The following SLC4A4 variants were observed in gnomAD, a reference collection of about 807,000 sequenced individuals.
SLC4A4 encodes the protein solute carrier family 4 member 4.
Under a neutral mutation model 111.5 loss-of-function variants are expected in SLC4A4, and 27 were observed. The ratio of observed to expected loss-of-function variants is 0.24; its 90% confidence interval spans 0.18 to 0.33. SLC4A4 has a LOEUF of 0.33. Ranked by LOEUF, SLC4A4 falls within the 10% of genes least tolerant of loss-of-function variation. The pLI is 1.00. For synonymous variants in SLC4A4, 443 were observed against 463.4 expected (o/e 0.96, Z 0.57); for missense variants, 909 against 1,315.5 (o/e 0.69, Z 4.78).
intron 7 of SLC4A4, among the ~76,000 whole-genome samples, chr4:71,435,547 A>C (rs1421054401): frequency 6.6e-6 from 1 of 152,260 alleles, no homozygotes; most frequent in Non-Finnish European, 1.5e-5. Context: ...ACAAAAGCCA[A>C]AATTGACAAA....
intron 2 of SLC4A4, among the ~76,000 whole-genome samples, chr4:71,133,051 A>ATT (rs940720348): frequency 6.7e-6 from 1 of 149,978 alleles, no homozygotes. Context: ...ATGAATTACC[A>ATT]TTTTTTTTTT....
intron 2 of SLC4A4, among the ~76,000 whole-genome samples, chr4:71,145,841 CTTCT>C (rs1455220930): frequency 6.6e-6 from 1 of 152,018 alleles, no homozygotes; most frequent in Non-Finnish European, 1.5e-5. Context: ...TCTCTCTTTT[CTTCT>C]TTATTAGCCT....
chr4:71,403,404 T>G (rs966851294), intron 7 of SLC4A4, among the ~76,000 whole-genome samples: 1 of 152,224 alleles, frequency 6.6e-6, no homozygotes, highest in Non-Finnish European at 1.5e-5. Context: ...ACTTCCATAC[T>G]TTTGGGAAGA....
intron 3 of SLC4A4, among the ~76,000 whole-genome samples, chr4:71,322,429 G>A (rs931704869): frequency 6.6e-6 from 1 of 151,936 alleles, no homozygotes; most frequent in African/African-American, 2.4e-5. Flanking sequence ...TTAGTGTGGC[G>A]CTTGTGACAG....
intron 7 of SLC4A4, among the ~76,000 whole-genome samples, chr4:71,409,069 T>C (rs1721126326): frequency 6.6e-6 from 1 of 152,250 alleles, no homozygotes; most frequent in African/African-American, 2.4e-5. Context: ...TCCATGATTC[T>C]GGGCCTCCCA....
At chr4:71,212,356 G>C (rs1035319365) in intron 1 of SLC4A4, among the ~76,000 whole-genome samples, 7 of 152,218 alleles carry the variant, frequency 4.6e-5, no homozygotes, top group Non-Finnish European at 1.0e-4. Flanking sequence ...CTCAGGATCA[G>C]GAATGGATCT....
At chr4:71,480,345 A>G (rs148741981) in intron 14 of SLC4A4, among the ~76,000 whole-genome samples, 249 of 151,590 alleles carry the variant, frequency 1.6e-3, no homozygotes, top group African/African-American at 5.8e-3. Flanking sequence ...CTTGCTGAAA[A>G]TACTTGGGAA....
intron 1 of SLC4A4, among the ~76,000 whole-genome samples, chr4:71,081,911 A>G (rs1253411801): frequency 6.6e-6 from 1 of 152,068 alleles, no homozygotes; most frequent in Non-Finnish European, 1.5e-5. Flanking sequence ...ATTCATACAC[A>G]CAGGGCTCAA....
At chr4:71,433,243 A>G (rs982664438) in intron 7 of SLC4A4, among the ~76,000 whole-genome samples, 33 of 151,102 alleles carry the variant, frequency 2.2e-4, no homozygotes, top group Admixed American at 8.6e-4. Flanking sequence ...TAATCCCGCC[A>G]AATCTCCCAA....
chr4:71,518,387 G>T (rs1732607952), intron 16 of SLC4A4, among the ~76,000 whole-genome samples: 1 of 152,216 alleles, frequency 6.6e-6, no homozygotes, highest in African/African-American at 2.4e-5. Flanking sequence ...GGACTGACCT[G>T]GTACTGGGCA....
intron 12 of SLC4A4, among the ~76,000 whole-genome samples, chr4:71,465,494 G>A (rs546737670): frequency 6.7e-5 from 10 of 149,472 alleles, no homozygotes; most frequent in African/African-American, 2.4e-4. Flanking sequence ...AAGTAATCGC[G>A]GTTTTTGCCA....
intron 7 of SLC4A4, among the ~76,000 whole-genome samples, chr4:71,428,386 C>T (rs1182771123): frequency 1.3e-5 from 2 of 151,888 alleles, no homozygotes; most frequent in African/African-American, 4.8e-5. Context: ...CCTTTTAAAC[C>T]AAGACATTTT....
chr4:71,448,489 A>C (rs1396605536), intron 9 of SLC4A4, among the ~76,000 whole-genome samples: 1 of 152,096 alleles, frequency 6.6e-6, no homozygotes. Flanking sequence ...ATTTTTTCTT[A>C]GGTATCAGAA....
chr4:71,172,259 CTTT>C (rs745577250), intron 2 of SLC4A4, among the ~76,000 whole-genome samples: 9 of 143,306 alleles, frequency 6.3e-5, no homozygotes, highest in East Asian at 4.1e-4. Context: ...CTTTTTCTTT[CTTT>C]TTTTTTTTTT....
intron 25 of SLC4A4, 95 bp downstream of exon 25, chr4:71,567,178 C>T (rs968750145): frequency 4.2e-5 from 40 of 960,978 alleles, no homozygotes; most frequent in Non-Finnish European, 6.2e-5. Context: ...TTCTTGTTCT[C>T]CTTCGTCTCT....
intron 7 of SLC4A4, among the ~76,000 whole-genome samples, chr4:71,421,052 A>C (rs1202111191): frequency 1.8e-4 from 27 of 148,580 alleles, no homozygotes; most frequent in Non-Finnish European, 3.7e-4. Flanking sequence ...AATTGGATAA[A>C]GAGTCAAGAC....
At chr4:71,147,238 C>T (rs951470522) in intron 2 of SLC4A4, among the ~76,000 whole-genome samples, 14 of 151,770 alleles carry the variant, frequency 9.2e-5, no homozygotes, top group Admixed American at 9.2e-4. Flanking sequence ...TAACAAGAAG[C>T]CCTCCCCTTT....
Position 71,516,186 on chromosome 4 carries a change from C to T in SLC4A4, c.2167-15876C>T, listed in dbSNP as rs61316150. Among the ~76,000 whole-genome samples the T allele has an allele frequency of 9.1e-3, 1,303 of 142,830 alleles. 20 individuals carry two copies. Among genetic ancestry groups the T allele is most frequent in the African/African-American group, 0.031 (1,190 of 38,404 alleles). 93.7% of individuals were successfully genotyped at this position (142,830 alleles called of 152,430 possible). ...TCTTGGCTCACTGCAAGCTCTGCCT[C>T]CCGGGTTCACGCCATTCTCCTGCCT... On this transcript the variant is annotated intron_variant, in intron 16 of 25. Transcript: ENST00000264485.
intron 2 of SLC4A4, among the ~76,000 whole-genome samples, chr4:71,109,956 G>C (rs866455641): frequency 6.6e-5 from 10 of 152,294 alleles, no homozygotes; most frequent in Non-Finnish European, 7.4e-5. Flanking sequence ...GCCTGCCAGT[G>C]GGATGGGGGT....
Sources: allele counts gnomAD v4.1 joint callset (sites outside exome capture counted in the v4.1 genomes callset), GRCh38; gene constraint gnomAD v4.1.1; transcripts MANE v1.5; gene names NCBI Gene and HGNC (gene_info 2026-07-23, HGNC 2026-07-21).